The following PIAS4 variants were observed in gnomAD, a reference collection of about 807,000 sequenced individuals.
PIAS4 encodes the protein E3 SUMO-protein ligase PIAS4.
PIAS4 carries 7 observed loss-of-function variants against 58.0 expected under a neutral mutation model. The observed-to-expected ratio is 0.12, with a 90% confidence interval of 0.07 to 0.23. The LOEUF (loss-of-function observed/expected upper bound fraction) is 0.23, where lower values mean the gene tolerates loss of function less well. Ranked by LOEUF, PIAS4 falls within the 10% of genes least tolerant of loss-of-function variation. The pLI, the probability that PIAS4 is intolerant of heterozygous loss-of-function variation, is 1.00. For synonymous variants in PIAS4, 364 were observed against 312.4 expected (o/e 1.17, Z -1.74); for missense variants, 550 against 709.5 (o/e 0.78, Z 2.55).
intron 3 of PIAS4, among the ~76,000 whole-genome samples, chr19:4,025,891 G>A (rs1324708273): frequency 6.6e-6 from 1 of 151,822 alleles, no homozygotes; most frequent in Non-Finnish European, 1.5e-5. Context: ...GGCTAACACA[G>A]TGAAACCCCG....
chr19:4,020,041 C>T (rs753620748), intron 2 of PIAS4, among the ~76,000 whole-genome samples: 3 of 151,994 alleles, frequency 2.0e-5, no homozygotes, highest in East Asian at 1.9e-4. Context: ...CTCAGCCTCC[C>T]GAGTAGCTGG....
Position 4,037,419 on chromosome 19 carries a change from C to A in PIAS4, c.1188C>A (p.Ile396=). The A allele has an allele frequency of 1.9e-6, 3 of 1,611,178 alleles. No individual in the cohort carries two copies. The highest frequency in any genetic ancestry group is 2.5e-6 in the Non-Finnish European group (3 of 1,179,008). Residue 396 remains isoleucine (I), a synonymous_variant, in exon 10 of 11, where the codon ATC becomes ATA. Transcript: ENST00000262971. The surrounding 1 kb of genome is among the most constrained non-coding windows in gnomAD (Gnocchi z 5.8). ...ILSECEDADE[I]EYLVDGSWCP... is the part of the protein sequence containing the mutation. ...GCGAGTGTGAGGACGCCGACGAGATCGAGTACCTGGTGGACGGCTCGTGGT... is the reference window on the plus strand; with the variant it reads ...GCGAGTGTGAGGACGCCGACGAGATAGAGTACCTGGTGGACGGCTCGTGGT...
At chr19:4,015,688 C>T (rs1042161356) in intron 2 of PIAS4, among the ~76,000 whole-genome samples, 24 of 152,188 alleles carry the variant, frequency 1.6e-4, no homozygotes, top group African/African-American at 5.8e-4. Context: ...AGGGTGCACT[C>T]TGTGGTGCTG....
chr19:4,028,363 G>T, intron 4 of PIAS4, 147 bp from the exon 5 acceptor site: 1 of 791,428 alleles, frequency 1.3e-6, no homozygotes, highest in Non-Finnish European at 2.1e-6. Context: ...CCCCACTCAG[G>T]CCACACCCGG....
chr19:4,024,698 C>A (rs745617382), intron 3 of PIAS4, among the ~76,000 whole-genome samples: 1 of 152,098 alleles, frequency 6.6e-6, no homozygotes, highest in Non-Finnish European at 1.5e-5. Context: ...CGGTTTACAC[C>A]GCCCGCCTTA....
chr19:4,032,865 G>C (rs572244411), intron 7 of PIAS4, among the ~76,000 whole-genome samples: 1 of 152,220 alleles, frequency 6.6e-6, no homozygotes, highest in African/African-American at 2.4e-5. Flanking sequence ...GGCCACCTCC[G>C]TGTGGGGGCT....
Position 4,033,554 on chromosome 19 carries a change from C to T in PIAS4, c.1116C>T (p.Ala372=), listed in dbSNP as rs746745936. 8.1e-6 allele frequency: 13 copies of T among 1,609,458 alleles called. No individual in the cohort carries two copies. The highest frequency in any genetic ancestry group is 1.1e-5 in the Non-Finnish European group (13 of 1,178,776). The change falls in exon 9 of 11, where the codon GCC becomes GCT. Residue 372 remains alanine, a synonymous_variant. Transcript: ENST00000262971. ...TWMCPVCDKP[A]PYDQLIIDGL... is the part of the protein sequence containing the mutation. ...TGTGCCCCGTGTGCGACAAGCCAGC[C>T]CCCTACGACCAGCTCATCATCGACG...
At chr19:4,036,537 C>A (rs564553900) in intron 9 of PIAS4, among the ~76,000 whole-genome samples, 37 of 140,076 alleles carry the variant, frequency 2.6e-4, no homozygotes, top group East Asian at 1.8e-3. Flanking sequence ...ACACCTGTTA[C>A]ATGCACACAT....
In PIAS4 at chr19:4,037,670, C is replaced by T. The variant is rs1215495349; in HGVS notation, c.1328C>T (p.Ala443Val). 1.2e-6 allele frequency: 2 copies of T among 1,612,132 alleles called. No individual in the cohort carries two copies. Among genetic ancestry groups the T allele is most frequent in the South Asian group, 2.2e-5 (2 of 91,048 alleles). Residue 443 changes from alanine to valine, a missense_variant, in exon 11 of 11, where the codon GCC (alanine) becomes GTC (valine). Ala to Val is a moderately conservative substitution (Grantham distance 64). This residue lies in a region of PIAS4 where 188 missense variants were observed against 192.0 expected (regional missense o/e 0.98). Transcript: ENST00000262971. This position sits in a 1 kb window ranked among gnomAD's most constrained non-coding sequence, Gnocchi z 5.8. ...LPAPSVNGSG[A>V]LGSTGGGGPV... ...GCCCCCAGCGTCAACGGGAGCGGTGCCCTGGGCAGCACGGGTGGCGGCGGC... is the reference window on the plus strand; with the variant it reads ...GCCCCCAGCGTCAACGGGAGCGGTGTCCTGGGCAGCACGGGTGGCGGCGGC...
chr19:4,036,938 A>T (rs1213759951), intron 9 of PIAS4, among the ~76,000 whole-genome samples: 1 of 151,766 alleles, frequency 6.6e-6, no homozygotes, highest in African/African-American at 2.4e-5. Context: ...ACACACACAC[A>T]TTCATAGACT....
chr19:4,034,103 T>A (rs1051238464), intron 9 of PIAS4, among the ~76,000 whole-genome samples: 4 of 152,236 alleles, frequency 2.6e-5, no homozygotes, highest in Non-Finnish European at 4.4e-5. Flanking sequence ...TGGAAGGCTC[T>A]GCCCAGGGCT....
intron 1 of PIAS4, among the ~76,000 whole-genome samples, chr19:4,010,425 C>T (rs1487844794): frequency 2.6e-5 from 4 of 152,260 alleles, no homozygotes; most frequent in Admixed American, 2.0e-4. Flanking sequence ...ATGACATCGT[C>T]TCTCCCTGCT....
chr19:4,029,735 T>C (rs1231773981), intron 7 of PIAS4, among the ~76,000 whole-genome samples: 3 of 150,344 alleles, frequency 2.0e-5, no homozygotes, highest in Non-Finnish European at 4.4e-5. Flanking sequence ...AGCCTCTAAC[T>C]CGGGCTCAAG....
intron 8 of PIAS4, 105 bp downstream of exon 8, chr19:4,033,278 GGC>G (rs1166858666): frequency 8.6e-5 from 117 of 1,361,226 alleles, no homozygotes; most frequent in Admixed American, 8.4e-4. Context: ...AGCCTGCGGG[GGC>G]GAGGCTGGTC....
intron 4 of PIAS4, 31 bp downstream of exon 4, chr19:4,028,218 C>T: frequency 1.2e-6 from 2 of 1,600,676 alleles, no homozygotes; most frequent in East Asian, 4.5e-5. Flanking sequence ...GACCCCAGGG[C>T]TGGACCCCCA....
At chr19:4,028,686 T>G (rs1187268808) in intron 5 of PIAS4, 34 bp from the exon 6 acceptor site, 2 of 1,604,034 alleles carry the variant, frequency 1.2e-6, no homozygotes, top group Admixed American at 3.4e-5. Context: ...CCAGCCGCTC[T>G]TGGCTCGAGG....
chr19:4,037,268 G>T lies in PIAS4; in HGVS notation c.1143-106G>T, dbSNP rs1161605422. On this transcript the variant is annotated intron_variant, in intron 9 of 10. Coordinates refer to ENST00000262971, the MANE Select transcript of PIAS4 (RefSeq NM_015897.4). This position sits in a 1 kb window ranked among gnomAD's most constrained non-coding sequence, Gnocchi z 5.8. ...TCGGGGTGGTGAGGCTGCTCTTGCA[G>T]AGAGAAGTGGGGAGTGCCTGGCTGC... 1.4e-6 allele frequency: 2 copies of T among 1,404,580 alleles called. No homozygotes were observed. The highest frequency in any genetic ancestry group is 2.9e-5 in the African/African-American group (2 of 69,414). The allele number at this position is 1,404,580 out of a possible 1,614,324, so 87.0% of individuals were successfully genotyped here.
At chr19:4,033,824 A>G (rs1018701189) in intron 9 of PIAS4, among the ~76,000 whole-genome samples, 2 of 151,738 alleles carry the variant, frequency 1.3e-5, no homozygotes, top group Non-Finnish European at 2.9e-5. Flanking sequence ...GCTCCGGTCC[A>G]CCCCGCTCCC....
At chr19:4,027,436 C>T (rs1223536975) in intron 3 of PIAS4, among the ~76,000 whole-genome samples, 1 of 152,200 alleles carries the variant, frequency 6.6e-6, no homozygotes, top group Non-Finnish European at 1.5e-5. Context: ...ACTCAGGATG[C>T]TGCTAGTTTG....
Sources: allele counts gnomAD v4.1 joint callset (sites outside exome capture counted in the v4.1 genomes callset), GRCh38; gene constraint gnomAD v4.1.1; regional missense constraint gnomAD v4.1.1; non-coding constraint Gnocchi (gnomAD v3.1); transcripts MANE v1.5; gene names NCBI Gene and HGNC (gene_info 2026-07-23, HGNC 2026-07-21).